SH3BP4: variants seen among roughly 807,000 people sequenced by gnomAD.
The protein encoded by SH3BP4 is SH3 domain-binding protein 4.
A neutral mutation model predicts 65.5 loss-of-function variants in SH3BP4; 33 were observed. The ratio of observed to expected loss-of-function variants is 0.50; its 90% CI spans 0.38 to 0.67. The LOEUF is 0.67. SH3BP4 is among the 30% of genes least tolerant of loss of function. The pLI is 0.00. For synonymous variants in SH3BP4, 552 were observed against 545.5 expected, an observed-to-expected ratio of 1.01 and a Z score of -0.17; for missense variants, 1,134 against 1,261.4, an observed-to-expected ratio of 0.90 and a Z score of 1.53.
rs779765681 is a variant in SH3BP4, at chr2:235,043,189, A to G, written c.2420A>G (p.Glu807Gly). The change falls in exon 4 of 6, where the codon GAG becomes GGG. Residue 807 changes from glutamate to glycine, a missense_variant. Transcript: ENST00000392011. Reference protein sequence around the residue: ...RVASVLEKLKEDCNNTENKER... With the variant: ...RVASVLEKLKGDCNNTENKER... ...GCGTCCGTCCTAGAAAAGCTGAAGG[A>G]GGACTGTAACAACACTGAGAACAAA... is the stretch of plus-strand genomic sequence containing the variant. The G allele has an allele frequency of 1.2e-6, 2 of 1,607,846 alleles. No individual in the cohort carries two copies. Among genetic ancestry groups the G allele is most frequent in the African/African-American group, 2.7e-5 (2 of 74,840 alleles).
chr2:234,984,952 G>T (rs1693501218), intron 1 of SH3BP4, among the ~76,000 whole-genome samples: 1 of 152,166 alleles, frequency 6.6e-6, no homozygotes, highest in Non-Finnish European at 1.5e-5. Context: ...CCATCATGCT[G>T]GAGACGCATT....
intron 1 of SH3BP4, among the ~76,000 whole-genome samples, chr2:234,961,424 A>C (rs531033428): frequency 2.0e-5 from 3 of 152,176 alleles, no homozygotes; most frequent in Non-Finnish European, 4.4e-5. Flanking sequence ...AGTGTGCGCC[A>C]CCATGCCCAG....
chr2:235,034,461 C>T lies in SH3BP4; in HGVS notation c.-132-410C>T, dbSNP rs1487762175. Among the ~76,000 whole-genome samples, 1 of 152,134 alleles carries T rather than the reference C, an allele frequency of 6.6e-6. No individual in the cohort carries two copies. Among genetic ancestry groups the T allele is most frequent in the African/African-American group, 2.4e-5 (1 of 41,442 alleles). ...ATGACTGCCCCTGCGCTGGGATCAG[C>T]CACTCTGAACAAGCAGAGGCCGATT... On this transcript the variant is annotated intron_variant, in intron 2 of 5. Transcript: ENST00000392011. This position sits in a 1 kb window ranked among gnomAD's most constrained non-coding sequence, Gnocchi z 6.2.
At chr2:235,008,970 G>T (rs1218976460) in intron 2 of SH3BP4, among the ~76,000 whole-genome samples, 1 of 152,198 alleles carries the variant, frequency 6.6e-6, no homozygotes, top group Non-Finnish European at 1.5e-5. Context: ...CAGGGGCTGG[G>T]CTGACATTTG....
chr2:235,050,322 T>G (rs10185205), intron 4 of SH3BP4, among the ~76,000 whole-genome samples: 1 of 152,040 alleles, frequency 6.6e-6, no homozygotes, highest in Admixed American at 6.5e-5. Flanking sequence ...TTTCACTGTG[T>G]TAGCCAGGAT....
chr2:234,994,877 T>C (rs1359662387), intron 1 of SH3BP4: 1 of 152,304 alleles, frequency 6.6e-6, no homozygotes, highest in Non-Finnish European at 1.5e-5. Context: ...GAGGCTGGGA[T>C]GCAGCCTCCA....
In SH3BP4 at chr2:235,035,421, A is replaced by T. The variant is rs1266251361; in HGVS notation, c.118+301A>T. ...GGTACAGAAACCCAGGGGAACAGAG[A>T]GTGTGGCAAGTAGATGAAATATTGA... On this transcript the variant is annotated intron_variant, in intron 3 of 5. Transcript: ENST00000392011. The surrounding 1 kb of genome is among the most constrained non-coding windows in gnomAD (Gnocchi z 5.0). Among the ~76,000 whole-genome samples, 1 of 152,148 alleles carries T rather than the reference A, an allele frequency of 6.6e-6. No individual in the cohort carries two copies. Among genetic ancestry groups the T allele is most frequent in the Non-Finnish European group, 1.5e-5 (1 of 68,032 alleles).
At position 235,046,626 on chromosome 2, in the gene SH3BP4, G is replaced by T. The variant is rs1273546105; in HGVS notation, c.2478+3379G>T. 1.3e-5 allele frequency among the ~76,000 whole-genome samples: 2 copies of T among 152,108 alleles called. No homozygotes were observed. The highest frequency in any genetic ancestry group is 1.3e-4 in the Admixed American group (2 of 15,274). ...AGTTTGTTTATGTTCTTGTGCACTTGTTTCTCATTATTACTCTAACTGAAC... is the reference window on the plus strand; with the variant it reads ...AGTTTGTTTATGTTCTTGTGCACTTTTTTCTCATTATTACTCTAACTGAAC... On this transcript the variant is annotated intron_variant, in intron 4 of 5. Coordinates refer to ENST00000392011, the MANE Select transcript of SH3BP4 (RefSeq NM_014521.3). This position sits in a 1 kb window ranked among gnomAD's most constrained non-coding sequence, Gnocchi z 4.2.
chr2:235,029,353 C>G (rs1695104341), intron 2 of SH3BP4, among the ~76,000 whole-genome samples: 1 of 152,150 alleles, frequency 6.6e-6, no homozygotes, highest in African/African-American at 2.4e-5. Flanking sequence ...CCAGGAAATT[C>G]AAGATGCACC....
rs1046175846 is a variant in SH3BP4, at chr2:234,967,899, C to T, written c.-207+15729C>T. 1.3e-5 allele frequency among the ~76,000 whole-genome samples: 2 copies of T among 152,168 alleles called. No homozygotes were observed. Among genetic ancestry groups the T allele is most frequent in the African/African-American group, 4.8e-5 (2 of 41,442 alleles). On this transcript the variant is annotated intron_variant, in intron 1 of 5. Coordinates refer to ENST00000392011, the MANE Select transcript of SH3BP4 (RefSeq NM_014521.3). This position sits in a 1 kb window ranked among gnomAD's most constrained non-coding sequence, Gnocchi z 4.6. ...CAGGTATCTGTACTTTGTGGGGCTT[C>T]TCTGATTGGCCATTGTGTGTTCATC...
intron 2 of SH3BP4, among the ~76,000 whole-genome samples, chr2:235,001,429 C>G (rs1430462364): frequency 6.6e-6 from 1 of 152,170 alleles, no homozygotes; most frequent in East Asian, 1.9e-4. Flanking sequence ...GAGGCGGGAC[C>G]TAATGGGGCC....
chr2:234,987,233 G>A (rs1220895891), intron 1 of SH3BP4, among the ~76,000 whole-genome samples: 1 of 151,774 alleles, frequency 6.6e-6, no homozygotes, highest in Non-Finnish European at 1.5e-5. Flanking sequence ...GAATGCTGGC[G>A]TTTGAGAACT....
chr2:235,014,224 C>A (rs918614643), intron 2 of SH3BP4, among the ~76,000 whole-genome samples: 1 of 152,116 alleles, frequency 6.6e-6, no homozygotes, highest in African/African-American at 2.4e-5. Flanking sequence ...GAATGTTTGG[C>A]GAGCAGGATC....
At chr2:234,975,790 C>G (rs1161656882) in intron 1 of SH3BP4, among the ~76,000 whole-genome samples, 1 of 152,132 alleles carries the variant, frequency 6.6e-6, no homozygotes, top group Non-Finnish European at 1.5e-5. Flanking sequence ...GTGTGAAGAT[C>G]ACCTGAGCCC....
At chr2:235,014,927 G>C (rs547636539) in intron 2 of SH3BP4, among the ~76,000 whole-genome samples, 4 of 152,320 alleles carry the variant, frequency 2.6e-5, no homozygotes, top group Admixed American at 1.3e-4. Flanking sequence ...TGACTTCTCA[G>C]TATTATCCTC....
chr2:235,020,367 C>T (rs773160090), intron 2 of SH3BP4, among the ~76,000 whole-genome samples: 1 of 152,022 alleles, frequency 6.6e-6, no homozygotes, highest in African/African-American at 2.4e-5. Flanking sequence ...CGTGGTGGCG[C>T]GTGCCTGTAA....
At chr2:235,044,247 A>T (rs1695770875) in intron 4 of SH3BP4, among the ~76,000 whole-genome samples, 1 of 152,226 alleles carries the variant, frequency 6.6e-6, no homozygotes, top group African/African-American at 2.4e-5. Flanking sequence ...CGTGAACTGG[A>T]ATCCAAAGAA....
chr2:234,954,533 T>A (rs1021614701), intron 1 of SH3BP4, among the ~76,000 whole-genome samples: 1 of 152,214 alleles, frequency 6.6e-6, no homozygotes, highest in African/African-American at 2.4e-5. Context: ...GTGCCTTGTC[T>A]GTTCATGTAT....
At chr2:234,957,883 G>T (rs1035608032) in intron 1 of SH3BP4, among the ~76,000 whole-genome samples, 1 of 152,090 alleles carries the variant, frequency 6.6e-6, no homozygotes, top group Admixed American at 6.5e-5. Context: ...TTTCCTTAAG[G>T]CCTCGTAGAG....
Sources: gnomAD v4.1 joint callset for allele counts (sites outside exome capture counted in the v4.1 genomes callset) on GRCh38, gnomAD v4.1.1 for gene constraint, Gnocchi (gnomAD v3.1) non-coding constraint, MANE v1.5 for transcripts, NCBI Gene and HGNC (gene_info 2026-07-23, HGNC 2026-07-21) for gene names.